PEDS1: variants seen among roughly 807,000 people sequenced by gnomAD.
PEDS1 encodes plasmanylethanolamine desaturase 1.
In PEDS1, 14 loss-of-function variants were observed where a neutral mutation model predicts 35.2. The observed-to-expected ratio is 0.40, with a 90% CI of 0.26 to 0.62. The LOEUF is 0.62. Ranked by LOEUF, PEDS1 falls within the 20% of genes least tolerant of loss-of-function variation. PEDS1 has a pLI of 0.44. For missense variants in PEDS1, 260 were observed against 367.8 expected, an observed-to-expected ratio of 0.71 and a Z score of 2.40; for synonymous variants, 152 against 152.0, an observed-to-expected ratio of 1.00 and a Z score of 0.00.
At position 50,128,185 on chromosome 20, in the gene PEDS1, C is replaced by T; in HGVS notation, c.481G>A (p.Ala161Thr). ...AYKFRTHSPE[A>T]LEQLYPWECF... Reference sequence around the variant, plus strand: ...TCCCAGGGGTATAGCTGCTCCAGGGCTTCTGCAGGTTGGGGAGAGGGGGGG... The same window carrying T: ...TCCCAGGGGTATAGCTGCTCCAGGGTTTCTGCAGGTTGGGGAGAGGGGGGG... The change falls in exon 5 of 6, where the codon GCC becomes ACC. Residue 161 changes from alanine to threonine, a missense_variant and splice_region_variant. By Grantham distance (58) the Ala-to-Thr change is moderately conservative. Transcript: ENST00000371652. The surrounding 1 kb of genome is among the most constrained non-coding windows in gnomAD (Gnocchi z 5.2). The T allele has an allele frequency of 1.2e-6, 2 of 1,613,952 alleles. No individual in the cohort carries two copies. The highest frequency in any genetic ancestry group is 8.5e-7 in the Non-Finnish European group (1 of 1,179,978).
intron 1 of PEDS1, among the ~76,000 whole-genome samples, chr20:50,144,976 G>A (rs981478593): frequency 1.3e-5 from 2 of 152,162 alleles, no homozygotes; most frequent in Admixed American, 6.5e-5. Flanking sequence ...GCCGAGGCAG[G>A]AGGATCATTT....
At chr20:50,126,410 C>CA (rs1482525298) in intron 5 of PEDS1, among the ~76,000 whole-genome samples, 2 of 152,202 alleles carry the variant, frequency 1.3e-5, no homozygotes, top group South Asian at 2.1e-4. Context: ...CTAATCCCTC[C>CA]ACCTGCCTTC....
At chr20:50,148,750 G>A (rs1486031693) in intron 1 of PEDS1, among the ~76,000 whole-genome samples, 1 of 152,130 alleles carries the variant, frequency 6.6e-6, no homozygotes, top group Non-Finnish European at 1.5e-5. Flanking sequence ...GAGAGAAGGT[G>A]GGGATGAGAG....
At chr20:50,126,581 T>C (rs889142577) in intron 5 of PEDS1, among the ~76,000 whole-genome samples, 1 of 152,150 alleles carries the variant, frequency 6.6e-6, no homozygotes, top group African/African-American at 2.4e-5. Context: ...AAGAAGGTGA[T>C]ATATGAAGGA....
chr20:50,125,790 A>G (rs59120388), intron 5 of PEDS1, among the ~76,000 whole-genome samples: 2 of 152,146 alleles, frequency 1.3e-5, no homozygotes, highest in East Asian at 3.9e-4. Context: ...ACTAGGTTTC[A>G]CCATGTTGGC....
At chr20:50,131,001 C>T (rs1045073196) in intron 2 of PEDS1, 54 bp from the exon 3 acceptor site, 11 of 1,613,894 alleles carry the variant, frequency 6.8e-6, no homozygotes, top group Non-Finnish European at 9.3e-6. Context: ...CAATCAGAAT[C>T]ACTCATTCAT....
chr20:50,147,082 G>A (rs1056671516), intron 1 of PEDS1, among the ~76,000 whole-genome samples: 1 of 152,164 alleles, frequency 6.6e-6, no homozygotes, highest in African/African-American at 2.4e-5. Context: ...TGCAGGGACA[G>A]GAAGTGGGCA....
intron 1 of PEDS1, chr20:50,151,261 AG>A: frequency 2.3e-6 from 3 of 1,304,336 alleles, no homozygotes; most frequent in South Asian, 2.5e-5. Flanking sequence ...TTGGGGCACC[AG>A]GCTGTCTGCA....
intron 2 of PEDS1, among the ~76,000 whole-genome samples, chr20:50,138,413 C>T (rs1425607545): frequency 6.6e-6 from 1 of 152,156 alleles, no homozygotes; most frequent in Non-Finnish European, 1.5e-5. Flanking sequence ...GGGACATTTA[C>T]CTCCCTTAAC....
At chr20:50,136,741 A>C (rs866614279) in intron 2 of PEDS1, among the ~76,000 whole-genome samples, 1 of 145,166 alleles carries the variant, frequency 6.9e-6, no homozygotes, top group Admixed American at 6.9e-5. Context: ...AAAAAAAAAA[A>C]AAGAGGGGAG....
At chr20:50,133,943 G>A (rs1348724248) in intron 2 of PEDS1, among the ~76,000 whole-genome samples, 1 of 152,218 alleles carries the variant, frequency 6.6e-6, no homozygotes, top group Non-Finnish European at 1.5e-5. Flanking sequence ...GCACCCTTTT[G>A]TGTCCTTAAA....
intron 1 of PEDS1, among the ~76,000 whole-genome samples, chr20:50,152,787 T>TG (rs972573169): frequency 9.3e-5 from 14 of 150,798 alleles, no homozygotes; most frequent in African/African-American, 3.4e-4. Context: ...GAGCTTACAG[T>TG]GGGGTACATT....
intron 3 of PEDS1, among the ~76,000 whole-genome samples, chr20:50,130,640 T>A (rs2081168420): frequency 6.6e-6 from 1 of 152,196 alleles, no homozygotes; most frequent in Admixed American, 6.5e-5. Flanking sequence ...GGCAGGCACA[T>A]ATCTAAACTC....
Position 50,125,084 on chromosome 20 carries a change from T to G in PEDS1, c.787A>C (p.Met263Leu). The change falls in exon 6 of 6, where the codon ATG becomes CTG. Residue 263 changes from methionine (M) to leucine (L), a missense_variant. Transcript: ENST00000371652. ...TATTTGATCTTCTGGGCCCATTTCA[T>G]GTCATCTGCCCGAGGCTTCTCGCCC... ...LTGEKPRADD[M>L]KWAQKIK 1.2e-6 allele frequency: 2 copies of G among 1,614,116 alleles called. No individual in the cohort carries two copies. Among genetic ancestry groups the G allele is most frequent in the African/African-American group, 2.7e-5 (2 of 75,034 alleles).
chr20:50,146,301 A>G (rs1337988980), intron 1 of PEDS1, among the ~76,000 whole-genome samples: 1 of 151,940 alleles, frequency 6.6e-6, no homozygotes, highest in Non-Finnish European at 1.5e-5. Context: ...CTCTGACCCC[A>G]CACTCCCCCC....
At chr20:50,145,741 A>G (rs917985464) in intron 1 of PEDS1, among the ~76,000 whole-genome samples, 3 of 152,192 alleles carry the variant, frequency 2.0e-5, no homozygotes, top group Non-Finnish European at 2.9e-5. Flanking sequence ...GGTGACATAG[A>G]ACATGTGACT....
At position 50,125,133 on chromosome 20, in the gene PEDS1, C is replaced by T. The variant is rs756065496; in HGVS notation, c.738G>A (p.Leu246=). The change falls in exon 6 of 6, where the codon CTG becomes CTA. Residue 246 remains leucine, a synonymous_variant. Coordinates refer to ENST00000371652, the MANE Select transcript of PEDS1 (RefSeq NM_199129.4). ...PLEKIGFWRR[L]EDLIQGLTGE... The stretch of plus-strand genomic sequence containing the variant: ...CCGTCAGGCCCTGGATGAGGTCCTC[C>T]AGGCGTCGCCAGAAGCCTATCTTCT... 5.0e-6 allele frequency: 8 copies of T among 1,614,164 alleles called. No individual in the cohort carries two copies. The Admixed American group carries it at 1.2e-4, about 24-fold the overall frequency.
intron 2 of PEDS1, among the ~76,000 whole-genome samples, chr20:50,134,685 T>C (rs977261047): frequency 6.6e-6 from 1 of 152,208 alleles, no homozygotes; most frequent in Non-Finnish European, 1.5e-5. Context: ...GGGCTCCTGA[T>C]GAGATGGGGA....
rs1005987036 is a variant in PEDS1, at chr20:50,121,064, G to A, written c.*3994C>T. 1.3e-5 allele frequency: 2 copies of A among 152,380 alleles called. No homozygotes were observed. The highest frequency in any genetic ancestry group is 2.4e-5 in the African/African-American group (1 of 41,428). 9.4% of individuals were successfully genotyped at this position (152,380 alleles called of 1,614,324 possible). Reference sequence around the variant, plus strand: ...GAAACCAAGCCATCCCACAGCAGCTGGGAGGGAGGCTGCAGGCAGTTGGCC... The same window carrying A: ...GAAACCAAGCCATCCCACAGCAGCTAGGAGGGAGGCTGCAGGCAGTTGGCC... On this transcript the variant is annotated 3_prime_UTR_variant, in exon 6 of 6. Coordinates refer to ENST00000371652, the MANE Select transcript of PEDS1 (RefSeq NM_199129.4).
Sources: gnomAD v4.1 joint callset for allele counts (sites outside exome capture counted in the v4.1 genomes callset) on GRCh38, gnomAD v4.1.1 for gene constraint, Gnocchi (gnomAD v3.1) non-coding constraint, MANE v1.5 for transcripts, NCBI Gene and HGNC (gene_info 2026-07-23, HGNC 2026-07-21) for gene names.